Variants in CLHC1 observed in about 807,000 individuals in gnomAD.
The protein encoded by CLHC1 is clathrin heavy chain linker domain-containing protein 1.
CLHC1 carries 72 observed loss-of-function variants against 69.5 expected under a neutral mutation model. The ratio of observed to expected loss-of-function variants is 1.04; its 90% CI spans 0.86 to 1.26. CLHC1 has a LOEUF of 1.26. Ranked by LOEUF, CLHC1 falls within the 50% of genes most tolerant of loss-of-function variation. The pLI, the probability that CLHC1 is intolerant of heterozygous loss-of-function variation, is 0.00. For synonymous variants in CLHC1, 223 were observed against 224.3 expected, an observed-to-expected ratio of 0.99 and a Z score of 0.05; for missense variants, 790 against 679.3, an observed-to-expected ratio of 1.16 and a Z score of -1.81.
chr2:55,204,196 A>G (rs1170984916), intron 9 of CLHC1, among the ~76,000 whole-genome samples: 3 of 152,202 alleles, frequency 2.0e-5, no homozygotes, highest in Non-Finnish European at 2.9e-5. Context: ...AGGTAGGAGA[A>G]TCACTTGGAC....
At chr2:55,185,963 A>T (rs10179352) in intron 9 of CLHC1, among the ~76,000 whole-genome samples, 47,711 of 152,070 alleles carry the variant, frequency 0.31, 7,775 homozygotes, top group African/African-American at 0.38. Flanking sequence ...TGTCTAAAAA[A>T]TAAGTATTTT....
In CLHC1 at chr2:55,174,267, C is replaced by A. The variant is rs184534646; in HGVS notation, c.*1523G>T. The stretch of plus-strand genomic sequence containing the variant: ...TAATTATCCAGTATTCTATTTAGCA[C>A]CAAATGGAAAAATTAAAAACTCAGC... On this transcript the variant is annotated 3_prime_UTR_variant, in exon 13 of 13. Transcript: ENST00000401408. 5.2e-3 allele frequency among the ~76,000 whole-genome samples: 796 copies of A among 152,186 alleles called. 8 individuals are homozygous for A. Among genetic ancestry groups the A allele is most frequent in the Non-Finnish European group, 9.6e-3 (652 of 67,994 alleles).
chr2:55,190,869 G>A (rs1426092253), intron 9 of CLHC1, among the ~76,000 whole-genome samples: 1 of 151,854 alleles, frequency 6.6e-6, no homozygotes, highest in African/African-American at 2.4e-5. Flanking sequence ...ACAGATCCAA[G>A]AATCTCAATG....
At chr2:55,222,846 C>T (rs937781868) in intron 2 of CLHC1, among the ~76,000 whole-genome samples, 3 of 144,388 alleles carry the variant, frequency 2.1e-5, no homozygotes, top group Non-Finnish European at 4.5e-5. Context: ...GCTTGAACCC[C>T]GGAGGCGGAG....
chr2:55,206,517 G>C, intron 8 of CLHC1, 141 bp from the exon 9 acceptor site: 1 of 638,448 alleles, frequency 1.6e-6, no homozygotes, highest in South Asian at 1.8e-5. Flanking sequence ...ACTATAACTA[G>C]AATCATTCAC....
intron 9 of CLHC1, among the ~76,000 whole-genome samples, chr2:55,192,339 C>T (rs112520287): frequency 0.064 from 9,677 of 152,098 alleles, 419 homozygotes; most frequent in Admixed American, 0.13. Flanking sequence ...AGGCTGGTCT[C>T]GAACTCCTGA....
Position 55,222,278 on chromosome 2 carries a change from G to C in CLHC1, c.134C>G (p.Pro45Arg). 1 of 1,613,460 alleles carries C rather than the reference G, an allele frequency of 6.2e-7. No individual in the cohort carries two copies. Among genetic ancestry groups the C allele is most frequent in the Non-Finnish European group, 8.5e-7 (1 of 1,179,598 alleles). ...GTATATGATGTAATATTCATCAGCA[G>C]GTCCTTCCTCACTACAGCCCAGTCT... ...TERLGCSEEG[P>R]ADEYYIIYRN... The change falls in exon 3 of 13, where the codon CCT becomes CGT. Residue 45 changes from proline to arginine, a missense_variant. Physicochemically the swap from Pro to Arg is moderately radical, Grantham distance 103 (BLOSUM62 -2). Coordinates refer to ENST00000401408, the MANE Select transcript of CLHC1 (RefSeq NM_152385.4).
chr2:55,199,759 G>T (rs1391212433), intron 9 of CLHC1, among the ~76,000 whole-genome samples: 1 of 151,858 alleles, frequency 6.6e-6, no homozygotes. Context: ...AAAATAAAAA[G>T]CAAGAAATTC....
At chr2:55,199,685 TATAAG>T (rs1671756157) in intron 9 of CLHC1, among the ~76,000 whole-genome samples, 1 of 152,102 alleles carries the variant, frequency 6.6e-6, no homozygotes, top group Non-Finnish European at 1.5e-5. Flanking sequence ...AATAATGGGT[TATAAG>T]ATATTATTTG....
chr2:55,184,860 G>A (rs1670272573), intron 9 of CLHC1, among the ~76,000 whole-genome samples: 1 of 150,152 alleles, frequency 6.7e-6, no homozygotes, highest in Non-Finnish European at 1.5e-5. Context: ...AGCTGAGATC[G>A]TGCCACTGCA....
At chr2:55,183,060 C>A (rs920401575) in intron 9 of CLHC1, among the ~76,000 whole-genome samples, 1 of 152,168 alleles carries the variant, frequency 6.6e-6, no homozygotes, top group Non-Finnish European at 1.5e-5. Flanking sequence ...TTGAGTAAGA[C>A]CTTTCCTGTC....
intron 2 of CLHC1, among the ~76,000 whole-genome samples, chr2:55,223,236 ATGT>A (rs972932617): frequency 2.0e-5 from 3 of 152,144 alleles, no homozygotes; most frequent in Non-Finnish European, 4.4e-5. Flanking sequence ...GCAATAAATA[ATGT>A]ATTTATTTTT....
chr2:55,211,431 G>A (rs538433131), intron 5 of CLHC1, among the ~76,000 whole-genome samples: 1 of 149,680 alleles, frequency 6.7e-6, no homozygotes, highest in African/African-American at 2.5e-5. Flanking sequence ...GAACCCAGGA[G>A]GCGGAGCTTG....
chr2:55,219,295 A>G (rs1198609600), intron 3 of CLHC1, among the ~76,000 whole-genome samples: 3 of 152,214 alleles, frequency 2.0e-5, no homozygotes, highest in Non-Finnish European at 2.9e-5. Flanking sequence ...GAAAAAACAG[A>G]TTTCAGAAGA....
At chr2:55,176,442 C>A (rs574969390) in intron 12 of CLHC1, among the ~76,000 whole-genome samples, 1 of 152,172 alleles carries the variant, frequency 6.6e-6, no homozygotes, top group Non-Finnish European at 1.5e-5. Flanking sequence ...GGAGCTAACC[C>A]AAGGACTGAA....
At chr2:55,178,724 G>C (rs1669638942) in intron 11 of CLHC1, among the ~76,000 whole-genome samples, 1 of 151,908 alleles carries the variant, frequency 6.6e-6, no homozygotes, top group Non-Finnish European at 1.5e-5. Flanking sequence ...CCACAATAGA[G>C]GTAATTTTCA....
rs192524238 is a variant in CLHC1, at chr2:55,196,323, G to A, written c.1006+9947C>T. Among the ~76,000 whole-genome samples the A allele has an allele frequency of 9.2e-5, 14 of 152,188 alleles. No homozygotes were observed. The East Asian group carries it at 2.3e-3, about 25-fold the overall frequency. ...TGCTGGACTCACAGTCAGTGGACTT[G>A]GAAGGCATATTACCTAGTAAGAAAT... On this transcript the variant is annotated intron_variant, in intron 9 of 12. Transcript: ENST00000401408.
Position 55,209,845 on chromosome 2 carries a change from G to A in CLHC1, c.500-14C>T, listed in dbSNP as rs1269080828. The A allele has an allele frequency of 6.4e-7, 1 of 1,567,966 alleles. No individual in the cohort carries two copies. Among genetic ancestry groups the A allele is most frequent in the East Asian group, 2.2e-5 (1 of 44,656 alleles). ...GAAGAGTCATGCCTATGGGGAAAGG[G>A]AACAAATCAAACACGACAAGCCATG... On this transcript the variant is annotated splice_polypyrimidine_tract_variant and intron_variant, in intron 5 of 12. Coordinates refer to ENST00000401408, the MANE Select transcript of CLHC1 (RefSeq NM_152385.4).
At chr2:55,181,794 G>T (rs1669965238) in intron 9 of CLHC1, 50 bp from the exon 10 acceptor site, 6 of 1,448,546 alleles carry the variant, frequency 4.1e-6, no homozygotes, top group Admixed American at 2.1e-5. Flanking sequence ...GAAATAGTTT[G>T]CTTTTTCTTA....
Sources: allele counts gnomAD v4.1 joint callset (sites outside exome capture counted in the v4.1 genomes callset), GRCh38; gene constraint gnomAD v4.1.1; transcripts MANE v1.5; gene names NCBI Gene and HGNC (gene_info 2026-07-23, HGNC 2026-07-21).